Variants in CNTNAP5 observed in about 807,000 individuals in gnomAD.
CNTNAP5 encodes the protein contactin associated protein family member 5.
CNTNAP5 carries 72 observed loss-of-function variants against 150.2 expected under a neutral mutation model. The ratio of observed to expected loss-of-function variants is 0.48; its 90% confidence interval spans 0.40 to 0.58. The LOEUF (loss-of-function observed/expected upper bound fraction) is 0.58, where lower values mean the gene tolerates loss of function less well. Ranked by LOEUF, CNTNAP5 falls within the 20% of genes least tolerant of loss-of-function variation. The probability of loss-of-function intolerance (pLI) is 0.00; values close to 1 mark genes in which losing one functional copy is unlikely to be tolerated. For missense variants in CNTNAP5, 1,636 were observed against 1,626.2 expected (o/e 1.01, Z -0.10); for synonymous variants, 672 against 619.8 (o/e 1.08, Z -1.25).
chr2:124,376,066 A>T (rs576124316), intron 3 of CNTNAP5, among the ~76,000 whole-genome samples: 1 of 152,226 alleles, frequency 6.6e-6, no homozygotes, highest in Admixed American at 6.5e-5. Flanking sequence ...AGAAGAAATA[A>T]TATAGTAGAT....
At chr2:124,680,018 A>G (rs1679030442) in intron 13 of CNTNAP5, among the ~76,000 whole-genome samples, 1 of 151,804 alleles carries the variant, frequency 6.6e-6, no homozygotes, top group South Asian at 2.1e-4. Flanking sequence ...TTTTTATCCT[A>G]TGGATACCCT....
At chr2:124,814,351 A>G (rs965868888) in intron 19 of CNTNAP5, among the ~76,000 whole-genome samples, 5 of 151,880 alleles carry the variant, frequency 3.3e-5, no homozygotes, top group Non-Finnish European at 5.9e-5. Context: ...CCCCTCCCAA[A>G]GACTGCATTA....
intron 1 of CNTNAP5, among the ~76,000 whole-genome samples, chr2:124,192,499 G>A (rs1015675565): frequency 5.3e-5 from 8 of 152,056 alleles, no homozygotes; most frequent in African/African-American, 4.8e-5. Context: ...CAAACCATGC[G>A]TCTGATGGTG....
chr2:124,625,153 C>T (rs185516235), intron 12 of CNTNAP5, among the ~76,000 whole-genome samples: 220 of 152,212 alleles, frequency 1.4e-3, no homozygotes, highest in African/African-American at 5.0e-3. Flanking sequence ...GTTCACAGTC[C>T]CTTAACTCAA....
intron 7 of CNTNAP5, among the ~76,000 whole-genome samples, chr2:124,487,625 C>A (rs954759970): frequency 6.6e-6 from 1 of 151,974 alleles, no homozygotes; most frequent in Admixed American, 6.6e-5. Flanking sequence ...TGTGCCCATA[C>A]ACACGGAATG....
At chr2:124,548,705 A>G (rs556959989) in intron 10 of CNTNAP5, among the ~76,000 whole-genome samples, 64 of 152,282 alleles carry the variant, frequency 4.2e-4, no homozygotes, top group African/African-American at 1.5e-3. Context: ...TCACAAAACC[A>G]TCTGCAAGTA....
intron 22 of CNTNAP5, among the ~76,000 whole-genome samples, chr2:124,905,052 A>AG (rs1678503778): frequency 1.3e-5 from 2 of 148,216 alleles, no homozygotes; most frequent in Admixed American, 1.3e-4. Context: ...AAAAAAAAAA[A>AG]AAAGAAAGAA....
chr2:124,707,205 A>AAG lies in CNTNAP5; in HGVS notation c.2078-40023_2078-40022insGA, dbSNP rs879641750. On this transcript the variant is annotated intron_variant, in intron 13 of 23. Transcript: ENST00000682447. ...GAAGAAGAAGAAGAAGAAGAAGAAG[A>AAG]ATAAACAACTTGGGATCATTCACTG... Among the ~76,000 whole-genome samples, 9 of 145,354 alleles carry AAG rather than the reference A, an allele frequency of 6.2e-5. 2 individuals are homozygous for AAG. Among genetic ancestry groups the AAG allele is most frequent in the East Asian group, 4.1e-4 (2 of 4,844 alleles).
At chr2:124,784,193 G>C (rs1319807017) in intron 17 of CNTNAP5, among the ~76,000 whole-genome samples, 1 of 152,138 alleles carries the variant, frequency 6.6e-6, no homozygotes, top group African/African-American at 2.4e-5. Flanking sequence ...GGATGGAAAG[G>C]TGGCACTGTA....
chr2:124,739,660 G>C (rs1051867908), intron 13 of CNTNAP5, among the ~76,000 whole-genome samples: 1 of 152,050 alleles, frequency 6.6e-6, no homozygotes, highest in Admixed American at 6.6e-5. Context: ...TCCTAAAGAC[G>C]ACTGCGGTGA....
intron 6 of CNTNAP5, among the ~76,000 whole-genome samples, chr2:124,462,153 C>T (rs1168034792): frequency 3.9e-5 from 6 of 151,974 alleles, no homozygotes; most frequent in East Asian, 1.9e-4. Context: ...CCAAGAAAAA[C>T]GAACAGGATT....
chr2:124,717,297 C>T lies in CNTNAP5; in HGVS notation c.2078-29932C>T, dbSNP rs551509965. 6.6e-5 allele frequency among the ~76,000 whole-genome samples: 10 copies of T among 152,244 alleles called. No homozygotes were observed. In the South Asian group the frequency reaches 8.3e-4, roughly 13 times the overall value. On this transcript the variant is annotated intron_variant, in intron 13 of 23. Coordinates refer to ENST00000682447, the MANE Select transcript of CNTNAP5 (RefSeq NM_001367498.1). ...ATTGGCATCCTTTCCACCCTATGAA[C>T]GGTTTTCATTTCAGAATGGAATTGT...
At chr2:124,806,664 T>C (rs1479633079) in intron 19 of CNTNAP5, among the ~76,000 whole-genome samples, 4 of 152,236 alleles carry the variant, frequency 2.6e-5, no homozygotes, top group Non-Finnish European at 5.9e-5. Flanking sequence ...GAATAATTAT[T>C]ATTTGCCCTT....
intron 3 of CNTNAP5, among the ~76,000 whole-genome samples, chr2:124,317,353 T>A (rs2104664747): frequency 6.6e-6 from 1 of 152,328 alleles, no homozygotes; most frequent in African/African-American, 2.4e-5. Context: ...ATGCAAAGTT[T>A]AAGCAAATTT....
intron 6 of CNTNAP5, among the ~76,000 whole-genome samples, chr2:124,462,039 C>T (rs1024421393): frequency 2.0e-5 from 3 of 151,286 alleles, no homozygotes; most frequent in Non-Finnish European, 4.4e-5. Context: ...GTTTAACCAC[C>T]CAAAACAGCC....
chr2:124,435,928 T>G (rs1189737120), intron 5 of CNTNAP5, among the ~76,000 whole-genome samples: 3 of 152,176 alleles, frequency 2.0e-5, no homozygotes, highest in Non-Finnish European at 2.9e-5. Flanking sequence ...AAAAGTAGAA[T>G]ATCACCTAGA....
intron 14 of CNTNAP5, among the ~76,000 whole-genome samples, chr2:124,754,709 G>A (rs965229892): frequency 1.3e-5 from 2 of 151,702 alleles, no homozygotes; most frequent in African/African-American, 4.8e-5. Flanking sequence ...TGTTTTTAAG[G>A]CAGAATCTCA....
intron 19 of CNTNAP5, among the ~76,000 whole-genome samples, chr2:124,811,520 A>G: frequency 6.6e-6 from 1 of 152,202 alleles, no homozygotes; most frequent in Non-Finnish European, 1.5e-5. Context: ...TCTAAAGGAT[A>G]TTGGCTGAAG....
intron 4 of CNTNAP5, among the ~76,000 whole-genome samples, chr2:124,421,988 C>T (rs907604732): frequency 5.9e-5 from 9 of 152,166 alleles, no homozygotes; most frequent in African/African-American, 2.2e-4. Flanking sequence ...TCCTGTTTAC[C>T]TACTCTAGTA....
Sources: allele counts gnomAD v4.1 joint callset (sites outside exome capture counted in the v4.1 genomes callset), GRCh38; gene constraint gnomAD v4.1.1; transcripts MANE v1.5; gene names NCBI Gene and HGNC (gene_info 2026-07-23, HGNC 2026-07-21).